Variants in LYZ observed in about 807,000 individuals in gnomAD.
The protein encoded by LYZ is lysozyme.
A neutral mutation model predicts 15.8 loss-of-function variants in LYZ; 18 were observed. The ratio of observed to expected loss-of-function variants is 1.14; its 90% CI spans 0.79 to 1.69. LYZ has a LOEUF of 1.69. Among genes scored for constraint, LYZ ranks in the 40% most tolerant of loss-of-function variants. LYZ has a pLI of 0.00. For missense variants in LYZ, 139 were observed against 182.8 expected (o/e 0.76, Z 1.38); for synonymous variants, 60 against 61.7 (o/e 0.97, Z 0.13).
At position 69,352,204 on chromosome 12, in the gene LYZ, A is replaced by T; in HGVS notation, c.302-16A>T. On this transcript the variant is annotated splice_polypyrimidine_tract_variant and intron_variant, in intron 2 of 3. Coordinates refer to ENST00000261267, the MANE Select transcript of LYZ (RefSeq NM_000239.3). ...ATATCTATTAAAGTTTTTATTCCTT[A>T]CCACCTGTCTTTCAGCTTTGCTGCA... The T allele has an allele frequency of 6.3e-7, 1 of 1,596,816 alleles. No homozygotes were observed. The highest frequency in any genetic ancestry group is 1.7e-5 in the Admixed American group (1 of 60,006).
chr12:69,352,373 G>A lies in LYZ; in HGVS notation c.380+75G>A, dbSNP rs972111352. 4.2e-5 allele frequency: 51 copies of A among 1,202,976 alleles called. No homozygotes were observed. The Middle Eastern group carries it at 5.8e-4, about 14-fold the overall frequency. The allele number at this position is 1,202,976 out of a possible 1,614,324, so 74.5% of individuals were successfully genotyped here. A position where few individuals can be genotyped will look rare whatever the true frequency, so the allele number is the denominator to read the frequency against. ...TATACAATGAGAGCAGACTTTTAAAGACCAAAGTATGCTAATGACACCTCA... is the reference window on the plus strand; with the variant it reads ...TATACAATGAGAGCAGACTTTTAAAAACCAAAGTATGCTAATGACACCTCA... On this transcript the variant is annotated intron_variant, in intron 3 of 3. Transcript: ENST00000261267.
chr12:69,350,348 A>AT, intron 2 of LYZ, 76 bp downstream of exon 2: 1 of 1,513,976 alleles, frequency 6.6e-7, no homozygotes. Flanking sequence ...AAAAGCCTTG[A>AT]AAGGTTCATG....
chr12:69,350,767 T>C (rs1231514454), intron 2 of LYZ, among the ~76,000 whole-genome samples: 1 of 73,738 alleles, frequency 1.4e-5, no homozygotes, highest in East Asian at 7.1e-4. Context: ...TTTTTTTTTT[T>C]TTGCTGAGAG....
chr12:69,352,850 C>CA, intron 3 of LYZ, among the ~76,000 whole-genome samples: 1 of 152,276 alleles, frequency 6.6e-6, no homozygotes, highest in Non-Finnish European at 1.5e-5. Context: ...GCCTGGGCGA[C>CA]AGAGTGAGAC....
chr12:69,350,504 A>G, intron 2 of LYZ: 1 of 496,914 alleles, frequency 2.0e-6, no homozygotes, highest in Non-Finnish European at 3.6e-6. Flanking sequence ...CTATTAATTT[A>G]CTGTCAATGG....
At position 69,350,150 on chromosome 12, in the gene LYZ, C is replaced by G. The variant is rs1874808002; in HGVS notation, c.179C>G (p.Ala60Gly). 8 of 1,613,922 alleles carry G rather than the reference C, an allele frequency of 5.0e-6. No individual in the cohort carries two copies. In the East Asian group the frequency reaches 1.8e-4, roughly 36 times the overall value. ...TGGGAGAGTGGTTACAACACACGAG[C>G]TACAAACTACAATGCTGGAGACAGA... is the stretch of plus-strand genomic sequence containing the variant. ...AKWESGYNTRATNYNAGDRST... is the reference protein window; with the variant it reads ...AKWESGYNTRGTNYNAGDRST... Residue 60 changes from alanine to glycine, a missense_variant, in exon 2 of 4, where the codon GCT becomes GGT. Physicochemically the swap from Ala to Gly is moderately conservative, Grantham distance 60. Transcript: ENST00000261267.
At chr12:69,351,160 G>A (rs978387589) in intron 2 of LYZ, among the ~76,000 whole-genome samples, 15 of 152,016 alleles carry the variant, frequency 9.9e-5, no homozygotes, top group Non-Finnish European at 1.8e-4. Context: ...TACAGTTCCT[G>A]TAGAATTATT....
intron 2 of LYZ, 102 bp from the exon 3 acceptor site, chr12:69,352,118 T>C: frequency 6.7e-6 from 5 of 742,338 alleles, no homozygotes; most frequent in Non-Finnish European, 1.2e-5. Flanking sequence ...GAAAATAATA[T>C]CTTACCATTC....
At chr12:69,352,933 C>T (rs897853809) in intron 3 of LYZ, among the ~76,000 whole-genome samples, 2 of 152,166 alleles carry the variant, frequency 1.3e-5, no homozygotes, top group Non-Finnish European at 2.9e-5. Context: ...ACGCACATTA[C>T]TCAATCTTTA....
Position 69,353,387 on chromosome 12 carries a change from G to A in LYZ, c.*168G>A. The A allele has an allele frequency of 1.5e-6, 1 of 689,270 alleles. No individual in the cohort carries two copies. 42.7% of individuals were successfully genotyped at this position (689,270 alleles called of 1,614,324 possible). On this transcript the variant is annotated 3_prime_UTR_variant, in exon 4 of 4. Coordinates refer to ENST00000261267, the MANE Select transcript of LYZ (RefSeq NM_000239.3). ...TAAGAGATATAATGTTCACTAATGT[G>A]GTTATTTTACATTAAGCCTACAACA... is the stretch of plus-strand genomic sequence containing the variant.
intron 2 of LYZ, among the ~76,000 whole-genome samples, chr12:69,350,962 G>A (rs1037331264): frequency 4.6e-5 from 7 of 151,490 alleles, no homozygotes; most frequent in Non-Finnish European, 1.5e-5. Flanking sequence ...TTTAGTACAG[G>A]CAAATTCTGT....
rs539909192 is a variant in LYZ at position 69,353,988 on chromosome 12, G to C, written c.*769G>C. On this transcript the variant is annotated 3_prime_UTR_variant, in exon 4 of 4. Transcript: ENST00000261267. ...ATAACCACTTTTTGTTGGGCAATAT[G>C]AAATTTTTAAAGGAGTAGAATACCA... is the stretch of plus-strand genomic sequence containing the variant. 6.6e-6 allele frequency: 1 copy of C among 152,246 alleles called. No homozygotes were observed. The highest frequency in any genetic ancestry group is 1.5e-5 in the Non-Finnish European group (1 of 68,018). The allele number at this position is 152,246 out of a possible 1,614,324, so 9.4% of individuals were successfully genotyped here. A position where few individuals can be genotyped will look rare whatever the true frequency, so the allele number is the denominator to read the frequency against.
Position 69,350,737 on chromosome 12 carries a change from CTTTTTTTTTTTTTTT to C in LYZ, c.301+483_301+497del, listed in dbSNP as rs60163961. ...TTTGCCATAGTTGCTTCTTCTATGC[CTTTTTTTTTTTTTTT>C]TTTTTTTTTTTTTTTTTGCTGAGAG... On this transcript the variant is annotated intron_variant, in intron 2 of 3. Coordinates refer to ENST00000261267, the MANE Select transcript of LYZ (RefSeq NM_000239.3). Among the ~76,000 whole-genome samples, 10 of 26,046 alleles carry C rather than the reference CTTTTTTTTTTTTTTT, an allele frequency of 3.8e-4. No individual in the cohort carries two copies. The South Asian group carries it at 8.4e-3, about 22-fold the overall frequency. The allele number at this position is 26,046 out of a possible 152,430, so 17.1% of individuals were successfully genotyped here.
Position 69,348,621 on chromosome 12 carries a change from G to A in LYZ, c.136+77G>A, listed in dbSNP as rs571592135. ...CTAGGAGAGAAGGAAGAAGAAGAAGGGGCTTTGAGTGAATAGATGTTTTAT... is the reference window on the plus strand; with the variant it reads ...CTAGGAGAGAAGGAAGAAGAAGAAGAGGCTTTGAGTGAATAGATGTTTTAT... On this transcript the variant is annotated intron_variant, in intron 1 of 3. Transcript: ENST00000261267. 2.2e-5 allele frequency: 34 copies of A among 1,523,704 alleles called. No individual in the cohort carries two copies. The Admixed American group carries it at 5.8e-4, about 26-fold the overall frequency. 94.4% of individuals were successfully genotyped at this position (1,523,704 alleles called of 1,614,324 possible).
chr12:69,349,753 T>A (rs1874800024), intron 1 of LYZ, among the ~76,000 whole-genome samples: 2 of 152,242 alleles, frequency 1.3e-5, no homozygotes, highest in African/African-American at 4.8e-5. Context: ...AGCCTATGTA[T>A]CTGCTATGAA....
intron 2 of LYZ, 138 bp downstream of exon 2, chr12:69,350,410 C>A: frequency 1.2e-6 from 1 of 812,976 alleles, no homozygotes; most frequent in Non-Finnish European, 2.0e-6. Context: ...TATTATTTTC[C>A]TCATAATTCC....
At position 69,350,052 on chromosome 12, in the gene LYZ, A is replaced by G. The variant is rs1015796837; in HGVS notation, c.137-56A>G. The G allele has an allele frequency of 1.8e-5, 26 of 1,451,264 alleles. No homozygotes were observed. In the Admixed American group the frequency reaches 3.8e-4, roughly 21 times the overall value. 89.9% of individuals were successfully genotyped at this position (1,451,264 alleles called of 1,614,324 possible). On this transcript the variant is annotated intron_variant, in intron 1 of 3. Coordinates refer to ENST00000261267, the MANE Select transcript of LYZ (RefSeq NM_000239.3). ...GTAGCTAAGTAGAACTGATTTTGCT[A>G]TAGAGTATAAGTCACTTAGTGTTGC...
At chr12:69,351,352 T>C (rs1258761492) in intron 2 of LYZ, among the ~76,000 whole-genome samples, 2 of 151,660 alleles carry the variant, frequency 1.3e-5, no homozygotes. Flanking sequence ...ACATTAATCT[T>C]ATTTCTAAAA....
Position 69,353,430 on chromosome 12 carries a change from A to G in LYZ, c.*211A>G. ...CTACAACATTTTTCAGTTTGCAAATAGAACTAATACTGGTGAAAATTTACC... is the reference window on the plus strand; with the variant it reads ...CTACAACATTTTTCAGTTTGCAAATGGAACTAATACTGGTGAAAATTTACC... On this transcript the variant is annotated 3_prime_UTR_variant, in exon 4 of 4. Coordinates refer to ENST00000261267, the MANE Select transcript of LYZ (RefSeq NM_000239.3). 1 of 624,768 alleles carries G rather than the reference A, an allele frequency of 1.6e-6. No individual in the cohort carries two copies. The highest frequency in any genetic ancestry group is 1.8e-5 in the South Asian group (1 of 54,054). The allele number at this position is 624,768 out of a possible 1,614,324, so 38.7% of individuals were successfully genotyped here. A position where few individuals can be genotyped will look rare whatever the true frequency, so the allele number is the denominator to read the frequency against.
Sources: gnomAD v4.1 joint callset for allele counts (sites outside exome capture counted in the v4.1 genomes callset) on GRCh38, gnomAD v4.1.1 for gene constraint, MANE v1.5 for transcripts, NCBI Gene and HGNC (gene_info 2026-07-23, HGNC 2026-07-21) for gene names.